Variants in ZKSCAN1 observed in about 807,000 individuals in gnomAD.
ZKSCAN1 encodes zinc finger with KRAB and SCAN domains 1.
A neutral mutation model predicts 51.6 loss-of-function variants in ZKSCAN1; 14 were observed. The observed-to-expected ratio is 0.27, with a 90% confidence interval of 0.18 to 0.42. The LOEUF (loss-of-function observed/expected upper bound fraction) is 0.42. Among genes scored for constraint, ZKSCAN1 ranks in the 10% least tolerant of loss-of-function variants. The pLI is 1.00. For synonymous variants in ZKSCAN1, 263 were observed against 261.5 expected (o/e 1.01, Z -0.06); for missense variants, 531 against 710.0 (o/e 0.75, Z 2.86).
rs1225893973 is a variant in ZKSCAN1 at position 100,036,613 on chromosome 7, G to A, written c.*2416G>A. ...GGCACCTGTAATCCCAGCTACTTGGGAGGCTGAGGCAGGAGAATCACTTGA... is the reference window on the plus strand; with the variant it reads ...GGCACCTGTAATCCCAGCTACTTGGAAGGCTGAGGCAGGAGAATCACTTGA... On this transcript the variant is annotated 3_prime_UTR_variant, in exon 6 of 6. Coordinates refer to ENST00000324306, the MANE Select transcript of ZKSCAN1 (RefSeq NM_003439.4). The A allele has an allele frequency of 1.4e-6, 1 of 727,654 alleles. No homozygotes were observed. Among genetic ancestry groups the A allele is most frequent in the Non-Finnish European group, 1.7e-6 (1 of 595,008 alleles). The allele number at this position is 727,654 out of a possible 1,614,324, so 45.1% of individuals were successfully genotyped here.
At position 100,037,365 on chromosome 7, in the gene ZKSCAN1, C is replaced by A. The variant is rs867494028; in HGVS notation, c.*3168C>A. 2 of 985,438 alleles carry A rather than the reference C, an allele frequency of 2.0e-6. No homozygotes were observed. The highest frequency in any genetic ancestry group is 9.4e-5 in the South Asian group (2 of 21,288). The allele number at this position is 985,438 out of a possible 1,614,324, so 61.0% of individuals were successfully genotyped here. On this transcript the variant is annotated 3_prime_UTR_variant, in exon 6 of 6. Coordinates refer to ENST00000324306, the MANE Select transcript of ZKSCAN1 (RefSeq NM_003439.4). ...TTTGTTTCTACTCCAGCCTGGCAGG[C>A]AAGGCTAAAACCTGAGATTATCGAT...
intron 4 of ZKSCAN1, 45 bp from the exon 5 acceptor site, chr7:100,030,204 C>G: frequency 6.2e-7 from 1 of 1,600,784 alleles, no homozygotes; most frequent in East Asian, 2.2e-5. Flanking sequence ...ATGGGATTGT[C>G]CCTGAGTTTG....
chr7:100,044,067 G>A (rs1490483815), downstream of ZKSCAN1, among the ~76,000 whole-genome samples: 1 of 151,952 alleles, frequency 6.6e-6, no homozygotes, highest in East Asian at 1.9e-4. Flanking sequence ...GTGAGCCACC[G>A]CTCCCAGCCC....
rs1584352175 is a variant in ZKSCAN1, at chr7:100,036,122, A to G, written c.*1925A>G. 2.0e-6 allele frequency: 2 copies of G among 985,424 alleles called. No homozygotes were observed. Among genetic ancestry groups the G allele is most frequent in the East Asian group, 1.1e-4 (1 of 8,818 alleles). 61.0% of individuals were successfully genotyped at this position (985,424 alleles called of 1,614,324 possible). On this transcript the variant is annotated 3_prime_UTR_variant, in exon 6 of 6. Transcript: ENST00000324306. ...ATATGGAACCAACGAAGTGGGAGCTAAAACTGCACAGTGGTCATTCTTTGG... is the reference window on the plus strand; with the variant it reads ...ATATGGAACCAACGAAGTGGGAGCTGAAACTGCACAGTGGTCATTCTTTGG...
At position 100,023,555 on chromosome 7, in the gene ZKSCAN1, G is replaced by A; in HGVS notation, c.49G>A (p.Ala17Thr). ...AGCCACGGGTCTGTCCCCACAGGCT[G>A]CACAGGAGAAGGATGGTATCGTAAT... ...REATGLSPQA[A>T]QEKDGIVIVK... The change falls in exon 2 of 6, where the codon GCA becomes ACA. Residue 17 changes from alanine (A) to threonine (T), a missense_variant. This residue lies in a region of ZKSCAN1 where 403 missense variants were observed against 490.5 expected (regional missense o/e 0.82). Coordinates refer to ENST00000324306, the MANE Select transcript of ZKSCAN1 (RefSeq NM_003439.4). 1 of 1,613,416 alleles carries A rather than the reference G, an allele frequency of 6.2e-7. No homozygotes were observed. Among genetic ancestry groups the A allele is most frequent in the Non-Finnish European group, 8.5e-7 (1 of 1,179,998 alleles).
At chr7:100,027,816 G>A (rs1464379592) in intron 3 of ZKSCAN1, among the ~76,000 whole-genome samples, 1 of 150,962 alleles carries the variant, frequency 6.6e-6, no homozygotes, top group Non-Finnish European at 1.5e-5. Flanking sequence ...TTCTTGTAAG[G>A]TTTCTCCACA....
In ZKSCAN1 at chr7:100,040,531, C is replaced by T. The variant is rs1176714750; in HGVS notation, c.*6334C>T. 6.1e-6 allele frequency: 6 copies of T among 985,274 alleles called. No homozygotes were observed. The highest frequency in any genetic ancestry group is 1.7e-5 in the African/African-American group (1 of 57,220). The allele number at this position is 985,274 out of a possible 1,614,324, so 61.0% of individuals were successfully genotyped here. A position where few individuals can be genotyped will look rare whatever the true frequency, so the allele number is the denominator to read the frequency against. ...AGGTGATATTTAAAAACTTGGATTT[C>T]ATTCCAGTGTCAGGTTTGGGTTTTA... On this transcript the variant is annotated 3_prime_UTR_variant, in exon 6 of 6. Coordinates refer to ENST00000324306, the MANE Select transcript of ZKSCAN1 (RefSeq NM_003439.4).
downstream of ZKSCAN1, among the ~76,000 whole-genome samples, chr7:100,042,318 CAA>C (rs34258466): frequency 6.9e-4 from 30 of 43,640 alleles, no homozygotes; most frequent in Admixed American, 7.6e-4. Flanking sequence ...GACTTTGTCT[CAA>C]AAAAAAAAAA....
At chr7:100,016,474 CTG>C (rs1790371552) in intron 1 of ZKSCAN1, among the ~76,000 whole-genome samples, 1 of 152,110 alleles carries the variant, frequency 6.6e-6, no homozygotes, top group Non-Finnish European at 1.5e-5. Flanking sequence ...GGAAATTGCA[CTG>C]TGTCACTAGG....
At chr7:100,029,977 C>T in intron 4 of ZKSCAN1, 25 bp downstream of exon 4, 7 of 1,611,544 alleles carry the variant, frequency 4.3e-6, no homozygotes, top group Non-Finnish European at 4.2e-6. Flanking sequence ...CTCTGCTCTC[C>T]TGAGTCCTCA....
At chr7:100,017,984 C>G (rs1228048997) in intron 1 of ZKSCAN1, among the ~76,000 whole-genome samples, 1 of 152,198 alleles carries the variant, frequency 6.6e-6, no homozygotes, top group African/African-American at 2.4e-5. Flanking sequence ...TCTGTAGTGC[C>G]TACTAAATGC....
At chr7:100,027,001 A>C (rs1008108440) in intron 3 of ZKSCAN1, among the ~76,000 whole-genome samples, 16 of 152,136 alleles carry the variant, frequency 1.1e-4, no homozygotes, top group Admixed American at 1.0e-3. Context: ...TCCATCTCAA[A>C]AAAGAAAAAA....
rs1006198528 is a variant in ZKSCAN1, at chr7:100,040,978, T to G, written c.*6781T>G. 35 of 984,950 alleles carry G rather than the reference T, an allele frequency of 3.6e-5. No individual in the cohort carries two copies. Among genetic ancestry groups the G allele is most frequent in the Non-Finnish European group, 4.2e-5 (35 of 829,872 alleles). 61.0% of individuals were successfully genotyped at this position (984,950 alleles called of 1,614,324 possible). On this transcript the variant is annotated 3_prime_UTR_variant, in exon 6 of 6. Coordinates refer to ENST00000324306, the MANE Select transcript of ZKSCAN1 (RefSeq NM_003439.4). ...TCCTAAAAATATATGAGTTTGGGGG[T>G]AAGGGGTGGGATAGCCAAGCAAAAT...
intron 1 of ZKSCAN1, among the ~76,000 whole-genome samples, chr7:100,020,580 C>T (rs1489552319): frequency 6.6e-6 from 1 of 152,086 alleles, no homozygotes; most frequent in African/African-American, 2.4e-5. Flanking sequence ...TACTTGAACC[C>T]GAGAGGCGGA....
Position 100,030,361 on chromosome 7 carries a change from G to T in ZKSCAN1, c.785G>T (p.Ser262Ile). Residue 262 changes from serine (S) to isoleucine (I), a missense_variant, in exon 5 of 6, where the codon AGC becomes ATC. This residue lies in a region of ZKSCAN1 where 403 missense variants were observed against 490.5 expected (regional missense o/e 0.82). Coordinates refer to ENST00000324306, the MANE Select transcript of ZKSCAN1 (RefSeq NM_003439.4). ...GACAACAGGCAGGAGAATTATGGGA[G>T]CGCATTTCCCCAGGGTAAGACGGAT... ...SRDNRQENYG[S>I]AFPQGGENRN... The T allele has an allele frequency of 6.2e-7, 1 of 1,613,860 alleles. No individual in the cohort carries two copies. Among genetic ancestry groups the T allele is most frequent in the South Asian group, 1.1e-5 (1 of 91,030 alleles).
chr7:100,025,978 T>C (rs1413978352), intron 3 of ZKSCAN1, among the ~76,000 whole-genome samples: 1 of 151,960 alleles, frequency 6.6e-6, no homozygotes, highest in African/African-American at 2.4e-5. Flanking sequence ...CCCAGCACTT[T>C]AGGAGGCCAA....
Position 100,037,061 on chromosome 7 carries a change from A to T in ZKSCAN1, c.*2864A>T. On this transcript the variant is annotated 3_prime_UTR_variant, in exon 6 of 6. Transcript: ENST00000324306. ...TGAAGATGTGTTTTCTGAGGAAAAC[A>T]GGCTACAACTGTTTATTAAAACCAC... 1.0e-6 allele frequency: 1 copy of T among 985,474 alleles called. No individual in the cohort carries two copies. The highest frequency in any genetic ancestry group is 1.2e-6 in the Non-Finnish European group (1 of 829,946). The allele number at this position is 985,474 out of a possible 1,614,324, so 61.0% of individuals were successfully genotyped here.
chr7:100,033,315 C>T lies in ZKSCAN1; in HGVS notation c.810C>T (p.Asn270=), dbSNP rs748230145. ...YGSAFPQGGE[N]RNENEESTSK... ...TATTTATTATGTCAGGTGGTGAAAA[C>T]AGGAATGAGAACGAGGAGTCAACCT... The change falls in exon 6 of 6, where the codon AAC becomes AAT. Residue 270 remains asparagine (N), a synonymous_variant. Transcript: ENST00000324306. This position sits in a 1 kb window ranked among gnomAD's most constrained non-coding sequence, Gnocchi z 4.1. 1.9e-6 allele frequency: 3 copies of T among 1,599,768 alleles called. No individual in the cohort carries two copies. The highest frequency in any genetic ancestry group is 1.7e-4 in the Middle Eastern group (1 of 5,980).
In ZKSCAN1 at chr7:100,039,402, A is replaced by G; in HGVS notation, c.*5205A>G. On this transcript the variant is annotated 3_prime_UTR_variant, in exon 6 of 6. Transcript: ENST00000324306. ...CCCGGAATTGTGTGCAGATGCATCCAGTCGTGGCATTGCAAGAAGTCTGTC... is the reference window on the plus strand; with the variant it reads ...CCCGGAATTGTGTGCAGATGCATCCGGTCGTGGCATTGCAAGAAGTCTGTC... 1.0e-6 allele frequency: 1 copy of G among 985,408 alleles called. No individual in the cohort carries two copies. 61.0% of individuals were successfully genotyped at this position (985,408 alleles called of 1,614,324 possible). A position where few individuals can be genotyped will look rare whatever the true frequency, so the allele number is the denominator to read the frequency against.
Sources: gnomAD v4.1 joint callset for allele counts (sites outside exome capture counted in the v4.1 genomes callset) on GRCh38, gnomAD v4.1.1 for gene constraint, gnomAD v4.1.1 regional missense constraint, Gnocchi (gnomAD v3.1) non-coding constraint, MANE v1.5 for transcripts, NCBI Gene and HGNC (gene_info 2026-07-23, HGNC 2026-07-21) for gene names.